The following ABCC4 variants were observed in gnomAD, a reference collection of about 807,000 sequenced individuals.
The protein encoded by ABCC4 is ATP-binding cassette sub-family C member 4.
In ABCC4, 102 loss-of-function variants were observed where a neutral mutation model predicts 168.5. That is an observed-to-expected ratio of 0.61 (90% CI 0.52 to 0.71). The LOEUF (loss-of-function observed/expected upper bound fraction) is 0.71, where lower values mean the gene tolerates loss of function less well. ABCC4 is among the 30% of genes least tolerant of loss of function. The pLI is 0.00. For missense variants in ABCC4, 1,402 were observed against 1,605.8 expected (o/e 0.87, Z 2.17); for synonymous variants, 617 against 590.7 (o/e 1.04, Z -0.65).
chr13:95,225,887 C>A (rs1483455930), intron 4 of ABCC4, among the ~76,000 whole-genome samples: 1 of 145,680 alleles, frequency 6.9e-6, no homozygotes, highest in Non-Finnish European at 1.5e-5. Flanking sequence ...GTAATCCCAA[C>A]ACTTTGGCAG....
intron 15 of ABCC4, among the ~76,000 whole-genome samples, chr13:95,165,210 T>C (rs1271374530): frequency 2.0e-5 from 3 of 152,098 alleles, no homozygotes; most frequent in Admixed American, 6.5e-5. Context: ...TCACTCAAGA[T>C]GGAAACATAA....
rs983604510 is a variant in ABCC4 at position 95,301,392 on chromosome 13, A to C, written c.-78T>G. On this transcript the variant is annotated 5_prime_UTR_variant, in exon 1 of 31. Transcript: ENST00000645237. ...GCCGCGGGCTCCGCTCCTGGACCTC[A>C]AGCAGGGATGCTGGGGCTCCGGCCG... is the stretch of plus-strand genomic sequence containing the variant. 3.7e-5 allele frequency: 48 copies of C among 1,305,682 alleles called. No homozygotes were observed. Among genetic ancestry groups the C allele is most frequent in the Non-Finnish European group, 4.9e-5 (47 of 961,458 alleles). 80.9% of individuals were successfully genotyped at this position (1,305,682 alleles called of 1,614,324 possible).
intron 11 of ABCC4, among the ~76,000 whole-genome samples, chr13:95,183,301 G>A (rs1222547020): frequency 6.6e-6 from 1 of 152,136 alleles, no homozygotes; most frequent in Non-Finnish European, 1.5e-5. Flanking sequence ...AACACCCAGA[G>A]ACGCTCAGGA....
chr13:95,209,463 G>C lies in ABCC4; in HGVS notation c.756C>G (p.Ser252Arg). 6.2e-7 allele frequency: 1 copy of C among 1,614,166 alleles called. No homozygotes were observed. The change falls in exon 6 of 31, where the codon AGC becomes AGG. Residue 252 changes from serine to arginine, a missense_variant. Ser to Arg is a moderately radical substitution (Grantham distance 110). Transcript: ENST00000645237. ...GTGATGAGAACAACTTCCCAAAACA[G>C]CTTTGCAAGGGCAGGAGAATGATTA... ...AVLIILLPLQ[S>R]CFGKLFSSLR...
chr13:95,216,588 G>T (rs1594316565), intron 4 of ABCC4, among the ~76,000 whole-genome samples: 1 of 111,114 alleles, frequency 9.0e-6, no homozygotes, highest in South Asian at 3.2e-4. Flanking sequence ...AAGGAGCAAA[G>T]AATGTGTGCA....
At chr13:95,024,580 T>C (rs1041218715) in intron 30 of ABCC4, among the ~76,000 whole-genome samples, 6 of 152,216 alleles carry the variant, frequency 3.9e-5, no homozygotes, top group Non-Finnish European at 8.8e-5. Flanking sequence ...ATTGCATTCC[T>C]AAGATACCAT....
chr13:95,230,702 G>C (rs539963986), intron 4 of ABCC4, among the ~76,000 whole-genome samples: 87 of 152,332 alleles, frequency 5.7e-4, no homozygotes, highest in Non-Finnish European at 7.9e-4. Flanking sequence ...TTGAACCCAG[G>C]AGGCAGAGGT....
In ABCC4 at chr13:95,128,380, G is replaced by A. The variant is rs183917630; in HGVS notation, c.2456-12379C>T. 4.2e-3 allele frequency among the ~76,000 whole-genome samples: 636 copies of A among 152,248 alleles called. 8 individuals carry two copies. The highest frequency in any genetic ancestry group is 0.015 in the African/African-American group (607 of 41,554). On this transcript the variant is annotated intron_variant, in intron 19 of 30. Coordinates refer to ENST00000645237, the MANE Select transcript of ABCC4 (RefSeq NM_005845.5). Reference sequence around the variant, plus strand: ...AATGTGAAAGAATCGAAACTCTTTTGTTCTCCCATAAAAAGACATCAAATC... The same window carrying A: ...AATGTGAAAGAATCGAAACTCTTTTATTCTCCCATAAAAAGACATCAAATC...
chr13:95,151,294 G>A (rs55773053), intron 19 of ABCC4, among the ~76,000 whole-genome samples: 8,910 of 152,016 alleles, frequency 0.059, 336 homozygotes, highest in Middle Eastern at 0.14. Context: ...TGGCCAACAT[G>A]GTGAAACTCT....
At chr13:95,300,614 C>G (rs1334500812) in intron 1 of ABCC4, among the ~76,000 whole-genome samples, 1 of 152,094 alleles carries the variant, frequency 6.6e-6, no homozygotes, top group Non-Finnish European at 1.5e-5. Context: ...ACAAAAGATA[C>G]AGAGACACCG....
rs779877173 is a variant in ABCC4 at position 95,234,790 on chromosome 13, A to C, written c.351T>G (p.Ile117Met). The C allele has an allele frequency of 6.3e-7, 1 of 1,596,180 alleles. No homozygotes were observed. Among genetic ancestry groups the C allele is most frequent in the South Asian group, 1.1e-5 (1 of 88,804 alleles). ...VIQPIFLGKIINYFENYDPMD... is the reference protein window; with the variant it reads ...VIQPIFLGKIMNYFENYDPMD... Reference sequence around the variant, plus strand: ...TGGGATCATAATTTTCAAAATAATTAATAATTTTTCCCAAAAATATGGGCT... The same window carrying C: ...TGGGATCATAATTTTCAAAATAATTCATAATTTTTCCCAAAAATATGGGCT... Residue 117 changes from isoleucine (I) to methionine (M), a missense_variant, in exon 4 of 31, where the codon ATT becomes ATG. Ile to Met is a conservative substitution (Grantham distance 10). Transcript: ENST00000645237.
At chr13:95,263,398 A>G (rs941440074) in intron 1 of ABCC4, among the ~76,000 whole-genome samples, 8 of 152,210 alleles carry the variant, frequency 5.3e-5, no homozygotes, top group African/African-American at 1.7e-4. Context: ...AACCAACTGT[A>G]TATGTATATG....
chr13:95,067,973 A>G (rs1347102815), intron 25 of ABCC4, among the ~76,000 whole-genome samples: 1 of 152,174 alleles, frequency 6.6e-6, no homozygotes, highest in African/African-American at 2.4e-5. Context: ...TATATACCTC[A>G]TTTTGGTTCA....
intron 1 of ABCC4, among the ~76,000 whole-genome samples, chr13:95,256,204 G>C (rs1216092075): frequency 6.6e-6 from 1 of 152,180 alleles, no homozygotes; most frequent in African/African-American, 2.4e-5. Flanking sequence ...TCGCATAGCT[G>C]AGACTGGAGG....
chr13:95,283,398 G>T (rs1289429903), intron 1 of ABCC4, among the ~76,000 whole-genome samples: 1 of 109,658 alleles, frequency 9.1e-6, no homozygotes, highest in African/African-American at 3.4e-5. Context: ...TTGAGACAGG[G>T]TCTTGCTGTC....
Position 95,062,946 on chromosome 13 carries a change from T to C in ABCC4, c.3211-87A>G, listed in dbSNP as rs559126811. 1.8e-5 allele frequency: 26 copies of C among 1,454,698 alleles called. 1 individual carries two copies. The Admixed American group carries it at 6.2e-4, about 35-fold the overall frequency. 90.1% of individuals were successfully genotyped at this position (1,454,698 alleles called of 1,614,324 possible). A position where few individuals can be genotyped will look rare whatever the true frequency, so the allele number is the denominator to read the frequency against. On this transcript the variant is annotated intron_variant, in intron 25 of 30. Coordinates refer to ENST00000645237, the MANE Select transcript of ABCC4 (RefSeq NM_005845.5). The stretch of plus-strand genomic sequence containing the variant: ...AAACTAGGAGAAAACTTTCGGTTTT[T>C]GAAGAAGAATTAAGGACATTCTATA...
At chr13:95,058,962 T>G (rs2033180488) in intron 26 of ABCC4, among the ~76,000 whole-genome samples, 1 of 152,240 alleles carries the variant, frequency 6.6e-6, no homozygotes, top group Admixed American at 6.5e-5. Flanking sequence ...CTCATGACCA[T>G]CCTTATGTCT....
rs779133056 is a variant in ABCC4 at position 95,163,602 on chromosome 13, T to C, written c.2213+8A>G. 6.2e-7 allele frequency: 1 copy of C among 1,610,224 alleles called. No individual in the cohort carries two copies. Among genetic ancestry groups the C allele is most frequent in the Non-Finnish European group, 8.5e-7 (1 of 1,177,032 alleles). On this transcript the variant is annotated splice_region_variant and intron_variant, in intron 17 of 30. Transcript: ENST00000645237. ...AGTATTTCATACATCAGACCAGAAA[T>C]AACTTACCAGTATGAAAGCCACCAA...
chr13:95,125,531 A>AATG (rs1566442157), intron 19 of ABCC4, among the ~76,000 whole-genome samples: 1 of 151,378 alleles, frequency 6.6e-6, no homozygotes, highest in African/African-American at 2.4e-5. Context: ...ACAAGTAAAT[A>AATG]AATGAATGAA....
Sources: allele counts gnomAD v4.1 joint callset (sites outside exome capture counted in the v4.1 genomes callset), GRCh38; gene constraint gnomAD v4.1.1; transcripts MANE v1.5; gene names NCBI Gene and HGNC (gene_info 2026-07-23, HGNC 2026-07-21).